FHL2: variants seen among roughly 807,000 people sequenced by gnomAD.
FHL2 encodes the protein four and a half LIM domains protein 2.
Under a neutral mutation model 32.7 loss-of-function variants are expected in FHL2, and 20 were observed. That is an observed-to-expected ratio of 0.61 (90% CI 0.43 to 0.89). The LOEUF is 0.89. Among genes scored for constraint, FHL2 ranks in the 40% least tolerant of loss-of-function variants. The probability of loss-of-function intolerance (pLI) is 0.00; values close to 1 mark genes in which losing one functional copy is unlikely to be tolerated. For missense variants in FHL2, 311 were observed against 358.6 expected (o/e 0.87, Z 1.07); for synonymous variants, 123 against 128.1 (o/e 0.96, Z 0.27).
intron 3 of FHL2, among the ~76,000 whole-genome samples, chr2:105,377,272 T>C (rs1355391759): frequency 6.6e-6 from 1 of 152,204 alleles, no homozygotes; most frequent in Non-Finnish European, 1.5e-5. Context: ...TGAACAGTAC[T>C]CTTAACAGTG....
chr2:105,386,923 C>T (rs779561064), intron 2 of FHL2, among the ~76,000 whole-genome samples: 7 of 151,946 alleles, frequency 4.6e-5, no homozygotes, highest in African/African-American at 7.3e-5. Flanking sequence ...TGCCACCACA[C>T]CCAGCTAACT....
At chr2:105,379,615 G>A (rs932612218) in intron 3 of FHL2, among the ~76,000 whole-genome samples, 7 of 152,120 alleles carry the variant, frequency 4.6e-5, no homozygotes, top group East Asian at 1.9e-4. Flanking sequence ...GAAATGATCC[G>A]ACAAAACTAA....
intron 1 of FHL2, among the ~76,000 whole-genome samples, chr2:105,411,146 C>T (rs531390013): frequency 5.6e-4 from 85 of 152,332 alleles, no homozygotes; most frequent in African/African-American, 2.0e-3. Context: ...CACCATCGCT[C>T]TAATCCTTAG....
At chr2:105,417,199 C>T (rs557954203) in intron 1 of FHL2, among the ~76,000 whole-genome samples, 38 of 151,238 alleles carry the variant, frequency 2.5e-4, no homozygotes, top group Non-Finnish European at 4.6e-4. Flanking sequence ...CTGGCTAACA[C>T]GGTGAAACCC....
intron 6 of FHL2, among the ~76,000 whole-genome samples, chr2:105,362,115 T>C (rs1457600058): frequency 3.3e-5 from 5 of 152,204 alleles, no homozygotes; most frequent in Non-Finnish European, 7.3e-5. Flanking sequence ...TTGTATCACT[T>C]TATAAAGCTT....
rs561929476 is a variant in FHL2 at position 105,426,686 on chromosome 2, C to G, written c.-25+11713G>C. Among the ~76,000 whole-genome samples the G allele has an allele frequency of 2.4e-3, 362 of 152,338 alleles. 3 individuals carry two copies. The highest frequency in any genetic ancestry group is 5.2e-3 in the South Asian group (25 of 4,830). On this transcript the variant is annotated intron_variant, in intron 1 of 5. Coordinates refer to the FHL2 transcript ENST00000393352. ...CAATGCAGAAGGGGGGCCAGGCACTCAGGCGGAGATATTTTCCACTTATGT... is the reference window on the plus strand; with the variant it reads ...CAATGCAGAAGGGGGGCCAGGCACTGAGGCGGAGATATTTTCCACTTATGT...
At position 105,407,716 on chromosome 2, in the gene FHL2, G is replaced by A. The variant is rs143375403; in HGVS notation, c.-24-21176C>T. Among the ~76,000 whole-genome samples the A allele has an allele frequency of 4.7e-3, 720 of 152,272 alleles. 9 individuals are homozygous for A. The highest frequency in any genetic ancestry group is 0.016 in the African/African-American group (672 of 41,536). ...GCTGCAGGGAAGTGTGCATGTGGAC[G>A]TTCTTGGGATGGTGCTTCTCTCTCA... is the stretch of plus-strand genomic sequence containing the variant. On this transcript the variant is annotated intron_variant, in intron 1 of 5. Transcript: ENST00000393352.
chr2:105,369,552 T>C (rs1421575693), intron 4 of FHL2, among the ~76,000 whole-genome samples: 1 of 152,202 alleles, frequency 6.6e-6, no homozygotes, highest in Non-Finnish European at 1.5e-5. Context: ...CAGCGATCTT[T>C]TAATTCAAAA....
chr2:105,386,040 A>C (rs1360677835), intron 3 of FHL2: 1 of 419,868 alleles, frequency 2.4e-6, no homozygotes, highest in Non-Finnish European at 4.2e-6. Context: ...CAAGAGGAAG[A>C]GAGCACCACC....
chr2:105,397,985 G>A (rs1683262525), intron 1 of FHL2, among the ~76,000 whole-genome samples: 3 of 151,598 alleles, frequency 2.0e-5, no homozygotes. Context: ...CACCAAAAAT[G>A]TGAGATGTAT....
downstream of FHL2, chr2:105,359,598 A>G (rs980344407): frequency 3.9e-5 from 6 of 152,214 alleles, no homozygotes; most frequent in African/African-American, 1.4e-4. Context: ...GAACTGTGCA[A>G]TGTTCTATCC....
chr2:105,367,157 C>T (rs899725346), intron 5 of FHL2, among the ~76,000 whole-genome samples: 2 of 152,204 alleles, frequency 1.3e-5, no homozygotes, highest in Admixed American at 1.3e-4. Flanking sequence ...ACATCCGTCT[C>T]TCTCTCCTCC....
At chr2:105,395,915 GA>G (rs778334884) in intron 2 of FHL2, among the ~76,000 whole-genome samples, 2 of 152,136 alleles carry the variant, frequency 1.3e-5, no homozygotes, top group Non-Finnish European at 2.9e-5. Flanking sequence ...CACCAGGCAA[GA>G]CACCACCCAC....
chr2:105,371,662 T>C (rs549060087), intron 4 of FHL2, among the ~76,000 whole-genome samples: 2 of 152,040 alleles, frequency 1.3e-5, no homozygotes, highest in Admixed American at 1.3e-4. Flanking sequence ...TCAAGACAGG[T>C]GAAAAATTCA....
downstream of FHL2, chr2:105,360,163 T>A (rs144492081): frequency 0.17 from 25,325 of 151,718 alleles, 2,265 homozygotes; most frequent in Middle Eastern, 0.26. Context: ...TAGCCGGGCA[T>A]AATGGTGGGT....
intron 1 of FHL2, among the ~76,000 whole-genome samples, chr2:105,414,125 C>T (rs1235126963): frequency 6.6e-6 from 1 of 152,148 alleles, no homozygotes; most frequent in Non-Finnish European, 1.5e-5. Context: ...CTGAGGGAAG[C>T]ACTTTATTAA....
At chr2:105,399,400 G>A, upstream of FHL2, 1 of 1,536,090 alleles carries the variant, frequency 6.5e-7, no homozygotes, top group Non-Finnish European at 8.7e-7. Context: ...GGAGACTGGA[G>A]AAGCCCCAGG....
At chr2:105,361,602 T>C (rs1055032809) in intron 6 of FHL2, among the ~76,000 whole-genome samples, 168 bp from the exon 7 acceptor site, 2 of 152,228 alleles carry the variant, frequency 1.3e-5, no homozygotes, top group African/African-American at 4.8e-5. Flanking sequence ...TCAGATTCTA[T>C]GCACAGCCTG....
chr2:105,360,254 A>G (rs12476475), downstream of FHL2: 19,596 of 141,494 alleles, frequency 0.14, 1,658 homozygotes, highest in East Asian at 0.43. Context: ...GTGAGCTGAG[A>G]TTGTGCCATT....
Sources: allele counts gnomAD v4.1 joint callset (sites outside exome capture counted in the v4.1 genomes callset), GRCh38; gene constraint gnomAD v4.1.1; transcripts MANE v1.5; gene names NCBI Gene and HGNC (gene_info 2026-07-23, HGNC 2026-07-21).